The following CCDC175 variants were observed in gnomAD, a reference collection of about 807,000 sequenced individuals.
The protein encoded by CCDC175 is coiled-coil domain containing 175, also known as coiled-coil domain-containing protein 175.
CCDC175 carries 100 observed loss-of-function variants against 114.6 expected under a neutral mutation model. The observed-to-expected ratio is 0.87, with a 90% CI of 0.74 to 1.03. The LOEUF (loss-of-function observed/expected upper bound fraction) is 1.03. CCDC175 is among the 50% of genes least tolerant of loss of function. The pLI is 0.00. For missense variants in CCDC175, 880 were observed against 917.8 expected, an observed-to-expected ratio of 0.96 and a Z score of 0.53; for synonymous variants, 306 against 308.7, an observed-to-expected ratio of 0.99 and a Z score of 0.09.
intron 8 of CCDC175, among the ~76,000 whole-genome samples, chr14:59,547,917 A>G (rs1895215645): frequency 6.6e-6 from 1 of 152,224 alleles, no homozygotes; most frequent in Non-Finnish European, 1.5e-5. Flanking sequence ...ATATTTTATA[A>G]TAACAAAGCT....
At chr14:59,516,156 A>G (rs1893071398) in intron 17 of CCDC175, among the ~76,000 whole-genome samples, 1 of 152,238 alleles carries the variant, frequency 6.6e-6, no homozygotes, top group African/African-American at 2.4e-5. Flanking sequence ...TCTCTGGGAC[A>G]CATTCAAAGC....
At chr14:59,565,471 G>A (rs951727769) in intron 4 of CCDC175, among the ~76,000 whole-genome samples, 196 bp from the exon 5 acceptor site, 1 of 152,166 alleles carries the variant, frequency 6.6e-6, no homozygotes, top group Non-Finnish European at 1.5e-5. Flanking sequence ...TTGGGAGGCC[G>A]AGGTGGGCAA....
intron 16 of CCDC175, among the ~76,000 whole-genome samples, chr14:59,523,756 G>A (rs10147008): frequency 0.32 from 48,468 of 152,018 alleles, 8,137 homozygotes; most frequent in South Asian, 0.41. Flanking sequence ...ATGGGAGGCC[G>A]AGGCGGGCGG....
intron 13 of CCDC175, among the ~76,000 whole-genome samples, chr14:59,536,509 A>T (rs1894404067): frequency 6.6e-6 from 1 of 151,908 alleles, no homozygotes; most frequent in Non-Finnish European, 1.5e-5. Context: ...GTTTTTCAGC[A>T]TTTAGAAGAA....
chr14:59,508,797 C>T (rs887172320), intron 19 of CCDC175, among the ~76,000 whole-genome samples: 5 of 151,968 alleles, frequency 3.3e-5, no homozygotes, highest in Non-Finnish European at 5.9e-5. Flanking sequence ...ATTCTATGAA[C>T]CAGAAAGTGG....
intron 17 of CCDC175, among the ~76,000 whole-genome samples, chr14:59,514,980 C>G (rs1172072445): frequency 6.6e-6 from 1 of 152,192 alleles, no homozygotes; most frequent in African/African-American, 2.4e-5. Context: ...AGCAGAAACA[C>G]TACAAGCCAG....
chr14:59,537,622 C>G (rs1317121864), intron 13 of CCDC175, among the ~76,000 whole-genome samples: 1 of 151,976 alleles, frequency 6.6e-6, no homozygotes, highest in Non-Finnish European at 1.5e-5. Flanking sequence ...GCATCCATGC[C>G]CTGTTCTATC....
rs545815532 is a variant in CCDC175, at chr14:59,507,898, C to T, written c.2306-2583G>A. 3.3e-5 allele frequency among the ~76,000 whole-genome samples: 5 copies of T among 152,294 alleles called. No homozygotes were observed. In the South Asian group the frequency reaches 8.3e-4, roughly 25 times the overall value. ...GTGGGATGTGACCAACTCAGCATTC[C>T]GCTGGAGGCTATATGACCAAACAGC... On this transcript the variant is annotated intron_variant, in intron 19 of 19. Transcript: ENST00000537690.
intron 17 of CCDC175, among the ~76,000 whole-genome samples, chr14:59,514,282 G>A (rs1892932001): frequency 6.6e-6 from 1 of 152,216 alleles, no homozygotes; most frequent in African/African-American, 2.4e-5. Context: ...AAGGAACGCA[G>A]CTCCTCACCA....
chr14:59,534,032 C>T lies in CCDC175; in HGVS notation c.1624-2122G>A, dbSNP rs902141699. Among the ~76,000 whole-genome samples, 7 of 148,450 alleles carry T rather than the reference C, an allele frequency of 4.7e-5. No homozygotes were observed. The East Asian group carries it at 1.4e-3, about 29-fold the overall frequency. ...GAAACGCAATCCTGTATTATCCATA[C>T]TAGGTTTTTTAAACAAGAATAGCCT... On this transcript the variant is annotated intron_variant, in intron 13 of 19. Transcript: ENST00000537690.
intron 17 of CCDC175, among the ~76,000 whole-genome samples, chr14:59,519,199 G>C (rs1893283952): frequency 6.6e-6 from 1 of 152,076 alleles, no homozygotes. Context: ...ATAGCATTTG[G>C]AGATATACCT....
At chr14:59,569,922 C>T (rs76801280) in intron 3 of CCDC175, among the ~76,000 whole-genome samples, 10 of 152,236 alleles carry the variant, frequency 6.6e-5, no homozygotes, top group Admixed American at 1.3e-4. Context: ...GGCTGAGATA[C>T]GGTGCTCAAG....
chr14:59,505,281 GA>G lies in CCDC175; in HGVS notation c.2339del (p.Phe780SerfsTer12). The G allele has an allele frequency of 6.6e-7, 1 of 1,509,508 alleles. No individual in the cohort carries two copies. Among genetic ancestry groups the G allele is most frequent in the Non-Finnish European group, 8.9e-7 (1 of 1,128,342 alleles). The allele number at this position is 1,509,508 out of a possible 1,614,324, so 93.5% of individuals were successfully genotyped here. On this transcript the variant is annotated frameshift_variant, in exon 20 of 20. Coordinates refer to ENST00000537690, the MANE Select transcript of CCDC175 (RefSeq NM_001164399.2). LOFTEE classifies it low-confidence loss of function (END_TRUNC). The stretch of plus-strand genomic sequence containing the variant: ...TTTTCTCAGTACATTTAACCACTGG[GA>G]AATGAACCCTTGTACGAATGTGTTT... ...KKKHIRTRVH[F>X]PVVKCTEKNT...
chr14:59,510,891 A>C, intron 18 of CCDC175, 83 bp from the exon 19 acceptor site: 1 of 1,209,998 alleles, frequency 8.3e-7, no homozygotes, highest in Non-Finnish European at 1.1e-6. Context: ...TCATGTCCAA[A>C]AAAAAATATT....
intron 13 of CCDC175, among the ~76,000 whole-genome samples, chr14:59,536,957 A>G (rs1218997831): frequency 1.3e-5 from 2 of 151,700 alleles, no homozygotes; most frequent in African/African-American, 4.9e-5. Context: ...ATTTTTTTGT[A>G]TTTTTAGTAG....
chr14:59,531,733 C>A, intron 14 of CCDC175, 39 bp downstream of exon 14: 1 of 1,390,282 alleles, frequency 7.2e-7, no homozygotes. Flanking sequence ...GAAATCCTTA[C>A]CTGGGATTGA....
chr14:59,511,564 A>T (rs1018456827), intron 18 of CCDC175, among the ~76,000 whole-genome samples, 196 bp downstream of exon 18: 8 of 151,460 alleles, frequency 5.3e-5, no homozygotes, highest in African/African-American at 1.9e-4. Flanking sequence ...AAAAAAAAAA[A>T]AAAGACACAT....
chr14:59,543,484 A>G (rs1278839126), intron 9 of CCDC175, 30 bp from the exon 10 acceptor site: 2 of 881,576 alleles, frequency 2.3e-6, no homozygotes, highest in Admixed American at 3.1e-5. Flanking sequence ...TATTTGTTGA[A>G]GGCTGACATA....
chr14:59,547,541 T>C (rs1049498278), intron 8 of CCDC175, among the ~76,000 whole-genome samples: 4 of 152,242 alleles, frequency 2.6e-5, no homozygotes, highest in African/African-American at 7.2e-5. Flanking sequence ...AATCCACATA[T>C]ACATTTATGA....
Sources: gnomAD v4.1 joint callset for allele counts (sites outside exome capture counted in the v4.1 genomes callset) on GRCh38, gnomAD v4.1.1 for gene constraint, MANE v1.5 for transcripts, NCBI Gene and HGNC (gene_info 2026-07-23, HGNC 2026-07-21) for gene names.